KCNN1: variants seen among roughly 807,000 people sequenced by gnomAD.
KCNN1 encodes the protein potassium calcium-activated channel subfamily N member 1.
A neutral mutation model predicts 44.7 loss-of-function variants in KCNN1; 20 were observed. The observed-to-expected ratio is 0.45, with a 90% confidence interval of 0.32 to 0.65. The LOEUF is 0.65. Among genes scored for constraint, KCNN1 ranks in the 30% least tolerant of loss-of-function variants. KCNN1 has a pLI of 0.05. For missense variants in KCNN1, 632 were observed against 785.3 expected, an observed-to-expected ratio of 0.80 and a Z score of 2.33; for synonymous variants, 324 against 341.7, an observed-to-expected ratio of 0.95 and a Z score of 0.57.
At chr19:17,986,296 G>C (rs140641415) in intron 5 of KCNN1, among the ~76,000 whole-genome samples, 207 of 151,964 alleles carry the variant, frequency 1.4e-3, no homozygotes, top group African/African-American at 3.8e-3. Flanking sequence ...CCAGGAGGCA[G>C]AGGTTGTGGT....
intron 3 of KCNN1, among the ~76,000 whole-genome samples, chr19:17,980,051 T>C (rs2032346271): frequency 7.5e-6 from 1 of 132,484 alleles, no homozygotes; most frequent in African/African-American, 2.7e-5. Flanking sequence ...TAATTTTCTT[T>C]TTCTTTTTCT....
intron 4 of KCNN1, among the ~76,000 whole-genome samples, chr19:17,984,942 G>A (rs1245297515): frequency 6.6e-6 from 1 of 152,100 alleles, no homozygotes; most frequent in African/African-American, 2.4e-5. Context: ...GGGCCTTGCT[G>A]GCTGAGAAAG....
chr19:17,979,663 C>T (rs1174139626), intron 3 of KCNN1, among the ~76,000 whole-genome samples: 4 of 151,906 alleles, frequency 2.6e-5, no homozygotes, highest in African/African-American at 9.7e-5. Flanking sequence ...TAGGACTGGC[C>T]CTGGATATGG....
Position 17,982,965 on chromosome 19 carries a change from G to A in KCNN1, c.917+838G>A, listed in dbSNP as rs547418428. Among the ~76,000 whole-genome samples the A allele has an allele frequency of 3.9e-5, 6 of 152,076 alleles. No individual in the cohort carries two copies. In the South Asian group the frequency reaches 1.0e-3, roughly 26 times the overall value. ...TGAGGCAGGAGAATCGCTTGAACCT[G>A]GGACGCGGAGGTTGCAGTGAGCTGA... is the stretch of plus-strand genomic sequence containing the variant. On this transcript the variant is annotated intron_variant, in intron 4 of 9. Transcript: ENST00000684775.
chr19:17,967,028 C>T (rs1447872634), upstream of KCNN1: 3 of 664,080 alleles, frequency 4.5e-6, no homozygotes, highest in Non-Finnish European at 3.7e-6. Flanking sequence ...GCGGGGTCGT[C>T]GAAGGCGGTG....
intron 1 of KCNN1, among the ~76,000 whole-genome samples, chr19:17,969,359 C>T (rs1266571344): frequency 6.6e-6 from 1 of 152,168 alleles, no homozygotes; most frequent in African/African-American, 2.4e-5. Context: ...GCTCTGTCTC[C>T]CGTCTGTAAA....
intron 1 of KCNN1, among the ~76,000 whole-genome samples, chr19:17,973,419 T>C (rs1396503208): frequency 6.6e-6 from 1 of 152,246 alleles, no homozygotes; most frequent in Non-Finnish European, 1.5e-5. Context: ...CAGCTGGGAC[T>C]ACAGGCATGC....
At chr19:17,980,056 TTTTC>T (rs1297908539) in intron 3 of KCNN1, among the ~76,000 whole-genome samples, 1 of 132,900 alleles carries the variant, frequency 7.5e-6, no homozygotes, top group Non-Finnish European at 1.6e-5. Context: ...TTCTTTTTCT[TTTTC>T]TTTCTTTTTT....
At chr19:17,992,944 C>G in intron 7 of KCNN1, 110 bp from the exon 8 acceptor site, 2 of 1,402,924 alleles carry the variant, frequency 1.4e-6, no homozygotes, top group East Asian at 4.9e-5. Flanking sequence ...CCGCGCGGGG[C>G]CCTAGGGTGG....
rs201246052 is a variant in KCNN1 at position 17,977,074 on chromosome 19, G to GT, written c.498+1888dup. Among the ~76,000 whole-genome samples the GT allele has an allele frequency of 8.4e-3, 1,274 of 152,150 alleles. 9 individuals carry two copies. Among genetic ancestry groups the GT allele is most frequent in the African/African-American group, 0.028 (1,166 of 41,528 alleles). On this transcript the variant is annotated intron_variant, in intron 3 of 9. Coordinates refer to ENST00000684775, the MANE Select transcript of KCNN1 (RefSeq NM_001386974.1). ...AACAGCAGAAATGTATTGTCTGAAA[G>GT]TCTGGAGTATAGAAGTCTGAGATCA...
At chr19:17,994,665 T>C (rs1244460226) in intron 9 of KCNN1, among the ~76,000 whole-genome samples, 1 of 152,104 alleles carries the variant, frequency 6.6e-6, no homozygotes, top group African/African-American at 2.4e-5. Context: ...TGCTTCAGCC[T>C]CCAGAGTAGC....
Position 18,000,017 on chromosome 19 carries a change from C to T in KCNN1, c.*1611C>T, listed in dbSNP as rs1215806528. 4 of 455,908 alleles carry T rather than the reference C, an allele frequency of 8.8e-6. No homozygotes were observed. Among genetic ancestry groups the T allele is most frequent in the Admixed American group, 4.7e-5 (2 of 42,550 alleles). 28.2% of individuals were successfully genotyped at this position (455,908 alleles called of 1,614,324 possible). ...GTGACAGTCTATTTAACCAGAACTCCCTAAAAAGGGCCAGGCAACTGGTAG... is the reference window on the plus strand; with the variant it reads ...GTGACAGTCTATTTAACCAGAACTCTCTAAAAAGGGCCAGGCAACTGGTAG... On this transcript the variant is annotated 3_prime_UTR_variant, in exon 10 of 10. Coordinates refer to ENST00000684775, the MANE Select transcript of KCNN1 (RefSeq NM_001386974.1).
intron 1 of KCNN1, among the ~76,000 whole-genome samples, chr19:17,953,749 T>G (rs575699880): frequency 6.6e-6 from 1 of 152,030 alleles, no homozygotes; most frequent in Admixed American, 6.5e-5. Context: ...GGCAACGTAC[T>G]GAAACCCTGT....
chr19:17,993,902 C>G lies in KCNN1; in HGVS notation c.1377+343C>G, dbSNP rs1303560885. On this transcript the variant is annotated intron_variant, in intron 9 of 9. Coordinates refer to ENST00000684775, the MANE Select transcript of KCNN1 (RefSeq NM_001386974.1). This position sits in a 1 kb window ranked among gnomAD's most constrained non-coding sequence, Gnocchi z 4.5. ...TCCAGCCTGGGTGACAGAGTGACAC[C>G]CTGTCTCAAAAAAATGATAATAATT... Among the ~76,000 whole-genome samples, 1 of 151,416 alleles carries G rather than the reference C, an allele frequency of 6.6e-6. No homozygotes were observed. Among genetic ancestry groups the G allele is most frequent in the African/African-American group, 2.4e-5 (1 of 41,166 alleles).
chr19:17,985,123 A>G (rs1051190116), intron 4 of KCNN1, among the ~76,000 whole-genome samples, 189 bp from the exon 5 acceptor site: 1 of 152,062 alleles, frequency 6.6e-6, no homozygotes, highest in East Asian at 1.9e-4. Context: ...TTGGGGGGGC[A>G]GGCAAAGGGA....
upstream of KCNN1, among the ~76,000 whole-genome samples, chr19:17,965,252 C>T (rs1031846411): frequency 1.1e-4 from 16 of 146,466 alleles, no homozygotes; most frequent in African/African-American, 1.6e-4. Flanking sequence ...CCAGCCTGGG[C>T]GACAAAGTGA....
At chr19:17,997,104 C>G (rs8182587) in intron 9 of KCNN1, among the ~76,000 whole-genome samples, 1 of 152,114 alleles carries the variant, frequency 6.6e-6, no homozygotes, top group Non-Finnish European at 1.5e-5. Flanking sequence ...GTGCCAGAAC[C>G]GGGCAGTTGA....
intron 2 of KCNN1, among the ~76,000 whole-genome samples, chr19:17,959,400 G>A (rs370522529): frequency 1.8e-3 from 280 of 152,036 alleles, no homozygotes; most frequent in African/African-American, 6.6e-3. Context: ...TGGGATTACA[G>A]GCACCTGCCA....
intron 2 of KCNN1, among the ~76,000 whole-genome samples, chr19:17,956,747 AAGAAAGCG>A (rs1007770665): frequency 1.3e-5 from 2 of 151,810 alleles, no homozygotes; most frequent in Admixed American, 1.3e-4. Flanking sequence ...CTGTCTCAGA[AAGAAAGCG>A]AGAAAGAGAG....
Sources: allele counts gnomAD v4.1 joint callset (sites outside exome capture counted in the v4.1 genomes callset), GRCh38; gene constraint gnomAD v4.1.1; non-coding constraint Gnocchi (gnomAD v3.1); transcripts MANE v1.5; gene names NCBI Gene and HGNC (gene_info 2026-07-23, HGNC 2026-07-21).